Variants in ADGRB3 observed in about 807,000 individuals in gnomAD.
The protein encoded by ADGRB3 is brain-specific angiogenesis inhibitor 3.
Under a neutral mutation model 193.4 loss-of-function variants are expected in ADGRB3, and 37 were observed. The observed-to-expected ratio is 0.19, with a 90% CI of 0.15 to 0.25. The LOEUF is 0.25. ADGRB3 is among the 10% of genes least tolerant of loss of function. ADGRB3 has a pLI of 1.00. For missense variants in ADGRB3, 1,637 were observed against 1,852.9 expected, an observed-to-expected ratio of 0.88 and a Z score of 2.14; for synonymous variants, 690 against 644.2, an observed-to-expected ratio of 1.07 and a Z score of -1.08.
intron 3 of ADGRB3, among the ~76,000 whole-genome samples, chr6:68,643,502 A>G (rs941077727): frequency 1.5e-5 from 2 of 132,942 alleles, no homozygotes; most frequent in Non-Finnish European, 3.1e-5. Flanking sequence ...CAGAATGCAG[A>G]ACGATTTACT....
chr6:69,339,265 A>C, intron 25 of ADGRB3, 68 bp from the exon 26 acceptor site: 1 of 1,538,986 alleles, frequency 6.5e-7, no homozygotes, highest in Non-Finnish European at 8.8e-7. Context: ...GCTTTGTTGA[A>C]TGGGGGTTTG....
chr6:69,228,778 T>G (rs1345377800), intron 17 of ADGRB3, among the ~76,000 whole-genome samples: 5 of 152,224 alleles, frequency 3.3e-5, no homozygotes, highest in Non-Finnish European at 7.3e-5. Flanking sequence ...ACATTCTGTT[T>G]TAAAACAGAT....
intron 3 of ADGRB3, among the ~76,000 whole-genome samples, chr6:68,669,796 C>T (rs1436776451): frequency 2.0e-5 from 3 of 151,606 alleles, no homozygotes; most frequent in African/African-American, 7.3e-5. Flanking sequence ...GGGTATATAC[C>T]CAACAGTGAA....
At position 69,367,567 on chromosome 6, in the gene ADGRB3, A is replaced by G. The variant is rs372472619; in HGVS notation, c.4240-4839A>G. On this transcript the variant is annotated intron_variant, in intron 29 of 31. Transcript: ENST00000370598. ...AATGATTGCCATTCTAACTGGTGTG[A>G]GATGGTATGTGATTGTGGTTTTGAT... is the stretch of plus-strand genomic sequence containing the variant. Among the ~76,000 whole-genome samples the G allele has an allele frequency of 1.2e-3, 182 of 151,992 alleles. 4 individuals are homozygous for G. Among genetic ancestry groups the G allele is most frequent in the East Asian group, 9.2e-3 (47 of 5,132 alleles).
At chr6:68,785,140 T>A (rs962167605) in intron 3 of ADGRB3, among the ~76,000 whole-genome samples, 1 of 151,950 alleles carries the variant, frequency 6.6e-6, no homozygotes, top group Non-Finnish European at 1.5e-5. Context: ...TATGACTGAT[T>A]TTACTTTATT....
At chr6:68,908,586 T>C (rs1285761520) in intron 3 of ADGRB3, among the ~76,000 whole-genome samples, 1 of 152,096 alleles carries the variant, frequency 6.6e-6, no homozygotes, top group African/African-American at 2.4e-5. Flanking sequence ...TAAGCCTATA[T>C]CATCATATTG....
intron 3 of ADGRB3, among the ~76,000 whole-genome samples, chr6:68,725,263 T>G (rs1765653038): frequency 6.6e-6 from 1 of 151,674 alleles, no homozygotes; most frequent in Non-Finnish European, 1.5e-5. Context: ...ATTGAGAATT[T>G]TAGGATTTAT....
chr6:69,175,730 G>A (rs1010979147), intron 17 of ADGRB3, among the ~76,000 whole-genome samples: 2 of 152,196 alleles, frequency 1.3e-5, no homozygotes, highest in East Asian at 1.9e-4. Flanking sequence ...GCCTTAAGCA[G>A]TATGGCCATT....
chr6:68,847,088 C>T (rs1474937110), intron 3 of ADGRB3, among the ~76,000 whole-genome samples: 3 of 152,110 alleles, frequency 2.0e-5, no homozygotes, highest in Non-Finnish European at 4.4e-5. Flanking sequence ...TTAGACTGTC[C>T]CACTGGATTT....
chr6:68,935,326 A>G (rs760447759), intron 4 of ADGRB3, among the ~76,000 whole-genome samples: 5 of 152,340 alleles, frequency 3.3e-5, no homozygotes, highest in South Asian at 4.1e-4. Context: ...CTAGAGCACT[A>G]GTTTGTGGAC....
At chr6:68,787,788 CT>C (rs996714253) in intron 3 of ADGRB3, among the ~76,000 whole-genome samples, 3 of 152,078 alleles carry the variant, frequency 2.0e-5, no homozygotes, top group Non-Finnish European at 2.9e-5. Flanking sequence ...TGGTCCTGGA[CT>C]TTTTTTGGTT....
intron 8 of ADGRB3, among the ~76,000 whole-genome samples, chr6:68,964,205 T>C (rs1376787891): frequency 6.6e-6 from 1 of 152,164 alleles, no homozygotes; most frequent in Non-Finnish European, 1.5e-5. Context: ...AAATAAGTAA[T>C]TGAGATATGG....
At chr6:69,202,783 C>A (rs980030641) in intron 17 of ADGRB3, among the ~76,000 whole-genome samples, 2 of 152,074 alleles carry the variant, frequency 1.3e-5, no homozygotes, top group Non-Finnish European at 2.9e-5. Context: ...ACTTTATTGG[C>A]AGCTACCAGA....
At position 69,385,148 on chromosome 6, in the gene ADGRB3, AGAAAC is replaced by A. The variant is rs1310406056; in HGVS notation, c.4380+2214_4380+2218del. Among the ~76,000 whole-genome samples, 130 of 152,146 alleles carry A rather than the reference AGAAAC, an allele frequency of 8.5e-4. 1 individual carries two copies. The highest frequency in any genetic ancestry group is 3.0e-3 in the African/African-American group (125 of 41,544). ...AAGAGAAGGCACTGATATCCAGAGAAGAAACTATTTTACTCTGTGTGTGTTTCACA... is the reference window on the plus strand; with the variant it reads ...AAGAGAAGGCACTGATATCCAGAGAATATTTTACTCTGTGTGTGTTTCACA... On this transcript the variant is annotated intron_variant, in intron 31 of 31. Coordinates refer to ENST00000370598, the MANE Select transcript of ADGRB3 (RefSeq NM_001704.3).
At chr6:68,750,881 AG>A (rs1766184778) in intron 3 of ADGRB3, among the ~76,000 whole-genome samples, 1 of 152,258 alleles carries the variant, frequency 6.6e-6, no homozygotes, top group Non-Finnish European at 1.5e-5. Flanking sequence ...GCCCAACTTC[AG>A]GAAGCTAGTC....
At chr6:68,938,352 G>A (rs896458105) in intron 5 of ADGRB3, among the ~76,000 whole-genome samples, 4 of 151,088 alleles carry the variant, frequency 2.6e-5, no homozygotes, top group Non-Finnish European at 5.9e-5. Context: ...ACAAGTAGAA[G>A]TAAGGACCAG....
At position 68,884,495 on chromosome 6, in the gene ADGRB3, AAAGC is replaced by A. The variant is rs1395601060; in HGVS notation, c.758-46062_758-46059del. ...AGTGAGAAAAAATTAGTTGAAAAAT[AAAGC>A]ATAAGTTAGTATTTCAGGCAGAGGA... On this transcript the variant is annotated intron_variant, in intron 3 of 31. Transcript: ENST00000370598. Among the ~76,000 whole-genome samples, 35 of 152,318 alleles carry A rather than the reference AAAGC, an allele frequency of 2.3e-4. No individual in the cohort carries two copies. In the East Asian group the frequency reaches 6.4e-3, roughly 28 times the overall value.
chr6:68,684,321 C>T (rs1470616876), intron 3 of ADGRB3, among the ~76,000 whole-genome samples: 1 of 152,126 alleles, frequency 6.6e-6, no homozygotes, highest in Non-Finnish European at 1.5e-5. Flanking sequence ...CTACACAATG[C>T]CTTTCCTAGA....
At chr6:68,671,446 T>C (rs1489514586) in intron 3 of ADGRB3, among the ~76,000 whole-genome samples, 3 of 152,044 alleles carry the variant, frequency 2.0e-5, no homozygotes, top group Non-Finnish European at 1.5e-5. Context: ...TCAAGTTTTC[T>C]GAGGGTTTTT....
Sources: gnomAD v4.1 joint callset for allele counts (sites outside exome capture counted in the v4.1 genomes callset) on GRCh38, gnomAD v4.1.1 for gene constraint, MANE v1.5 for transcripts, NCBI Gene and HGNC (gene_info 2026-07-23, HGNC 2026-07-21) for gene names.